Variants in CSGALNACT1 observed in about 807,000 individuals in gnomAD.
The protein encoded by CSGALNACT1 is beta4GalNAcT-1.
CSGALNACT1 carries 52 observed loss-of-function variants against 51.0 expected under a neutral mutation model. The observed-to-expected ratio is 1.02, with a 90% CI of 0.82 to 1.29. The LOEUF is 1.29. Among genes scored for constraint, CSGALNACT1 ranks in the 50% most tolerant of loss-of-function variants. CSGALNACT1 has a pLI of 0.00. For synonymous variants in CSGALNACT1, 341 were observed against 254.4 expected, an observed-to-expected ratio of 1.34 and a Z score of -3.24; for missense variants, 935 against 679.2, an observed-to-expected ratio of 1.38 and a Z score of -4.19.
chr8:19,700,475 A>G (rs1047672036), intron 1 of CSGALNACT1, among the ~76,000 whole-genome samples: 4 of 152,146 alleles, frequency 2.6e-5, no homozygotes, highest in African/African-American at 9.7e-5. Context: ...ATTATTGACA[A>G]AGTAGTTATG....
At chr8:19,638,296 A>G (rs1029735187) in intron 1 of CSGALNACT1, among the ~76,000 whole-genome samples, 1 of 152,156 alleles carries the variant, frequency 6.6e-6, no homozygotes, top group Non-Finnish European at 1.5e-5. Context: ...CTGCTGCTCC[A>G]AAAAGCAGAG....
chr8:19,486,136 AAC>A (rs1348900365), intron 4 of CSGALNACT1, among the ~76,000 whole-genome samples: 1 of 151,994 alleles, frequency 6.6e-6, no homozygotes, highest in Non-Finnish European at 1.5e-5. Context: ...AGAAAAAAAA[AAC>A]AAAAAAAACA....
chr8:19,458,484 C>T, exon 5 of CSGALNACT1: 1 of 1,614,168 alleles, frequency 6.2e-7, no homozygotes. Context: ...GGCACGATAA[C>T]ATTGATAAGC....
At chr8:19,453,029 G>A (rs949535580) in intron 5 of CSGALNACT1, among the ~76,000 whole-genome samples, 21 of 152,146 alleles carry the variant, frequency 1.4e-4, no homozygotes, top group African/African-American at 4.8e-4. Context: ...CGAGCAAACA[G>A]AAGGCTGGGT....
chr8:19,534,538 G>C (rs2083385278), intron 3 of CSGALNACT1, among the ~76,000 whole-genome samples: 1 of 152,124 alleles, frequency 6.6e-6, no homozygotes, highest in African/African-American at 2.4e-5. Flanking sequence ...CATTGCTGTA[G>C]ATGGTGGTGC....
At chr8:19,447,934 A>G (rs2062418983) in intron 5 of CSGALNACT1, among the ~76,000 whole-genome samples, 1 of 152,328 alleles carries the variant, frequency 6.6e-6, no homozygotes, top group Middle Eastern at 3.4e-3. Context: ...GGGGAATGTA[A>G]TGGTGTTAGT....
intron 2 of CSGALNACT1, among the ~76,000 whole-genome samples, chr8:19,599,145 A>C (rs2049663190): frequency 6.6e-6 from 1 of 151,842 alleles, no homozygotes; most frequent in Non-Finnish European, 1.5e-5. Context: ...GGGGGAGCAC[A>C]GAGAGCTAGT....
intron 6 of CSGALNACT1, among the ~76,000 whole-genome samples, chr8:19,422,328 G>A (rs1179231140): frequency 1.3e-5 from 2 of 152,118 alleles, no homozygotes; most frequent in Admixed American, 6.5e-5. Flanking sequence ...AAGTAGCTGG[G>A]ACTACAAGTG....
At chr8:19,498,246 C>T (rs2075814294) in intron 4 of CSGALNACT1, among the ~76,000 whole-genome samples, 1 of 152,186 alleles carries the variant, frequency 6.6e-6, no homozygotes, top group Admixed American at 6.5e-5. Context: ...CTTTTCTAGC[C>T]CCAAAACAGC....
chr8:19,706,392 G>C (rs933731678), intron 1 of CSGALNACT1, among the ~76,000 whole-genome samples: 1 of 152,158 alleles, frequency 6.6e-6, no homozygotes, highest in Admixed American at 6.5e-5. Context: ...AAACTGCGGC[G>C]GAGGCTGGGG....
chr8:19,736,241 T>A (rs1258357113), intron 1 of CSGALNACT1, among the ~76,000 whole-genome samples: 4 of 152,204 alleles, frequency 2.6e-5, no homozygotes, highest in Non-Finnish European at 2.9e-5. Flanking sequence ...TTTTTATAAA[T>A]AAAGTTTTAT....
intron 1 of CSGALNACT1, among the ~76,000 whole-genome samples, chr8:19,661,778 T>A (rs946999803): frequency 4.6e-5 from 7 of 152,188 alleles, no homozygotes; most frequent in African/African-American, 1.7e-4. Flanking sequence ...TAGAAGCTGC[T>A]TACAGATGTG....
intron 1 of CSGALNACT1, among the ~76,000 whole-genome samples, chr8:19,738,422 T>C (rs145703953): frequency 1.6e-4 from 25 of 152,252 alleles, no homozygotes; most frequent in Non-Finnish European, 1.5e-4. Context: ...AGTTCTTAAA[T>C]TGGTCAAATT....
upstream of CSGALNACT1, among the ~76,000 whole-genome samples, chr8:19,605,626 G>A (rs1236679598): frequency 3.9e-5 from 6 of 152,098 alleles, no homozygotes; most frequent in South Asian, 2.1e-4. Context: ...CGAGTAAGAG[G>A]AGGCAGGATG....
At chr8:19,435,945 TG>T (rs1166893860) in intron 6 of CSGALNACT1, among the ~76,000 whole-genome samples, 1 of 152,162 alleles carries the variant, frequency 6.6e-6, no homozygotes, top group Admixed American at 6.5e-5. Flanking sequence ...CCTTACTACT[TG>T]TGCTTCACTC....
chr8:19,468,720 T>C (rs1026004310), intron 4 of CSGALNACT1, among the ~76,000 whole-genome samples: 2 of 151,922 alleles, frequency 1.3e-5, no homozygotes, highest in Non-Finnish European at 2.9e-5. Context: ...GAGTTACAGG[T>C]GAGACAGGGA....
At chr8:19,544,952 A>G (rs964729569) in intron 3 of CSGALNACT1, among the ~76,000 whole-genome samples, 4 of 152,176 alleles carry the variant, frequency 2.6e-5, no homozygotes, top group African/African-American at 9.7e-5. Context: ...AGAAGTTTTC[A>G]AAGAAAAAAT....
At chr8:19,658,567 C>T (rs1024493510) in intron 1 of CSGALNACT1, among the ~76,000 whole-genome samples, 2 of 152,102 alleles carry the variant, frequency 1.3e-5, no homozygotes, top group African/African-American at 4.8e-5. Context: ...AACCCCATCT[C>T]TAATGAAATC....
intron 1 of CSGALNACT1, among the ~76,000 whole-genome samples, chr8:19,701,382 G>A (rs1056594787): frequency 1.3e-5 from 2 of 151,124 alleles, no homozygotes; most frequent in Non-Finnish European, 2.9e-5. Flanking sequence ...TCAAACTCCT[G>A]ACCTTGAGTG....
Sources: allele counts gnomAD v4.1 joint callset (sites outside exome capture counted in the v4.1 genomes callset), GRCh38; gene constraint gnomAD v4.1.1; transcripts MANE v1.5; gene names NCBI Gene and HGNC (gene_info 2026-07-23, HGNC 2026-07-21).